Variants in SMARCAD1 observed in about 807,000 individuals in gnomAD.
SMARCAD1 encodes SWI/SNF-related matrix-associated actin-dependent regulator of chromatin subfamily A containing DEAD/H box 1.
In SMARCAD1, 25 loss-of-function variants were observed where a neutral mutation model predicts 127.1. The observed-to-expected ratio is 0.20, with a 90% confidence interval of 0.14 to 0.27. The LOEUF is 0.27. SMARCAD1 is among the 10% of genes least tolerant of loss of function. The probability of loss-of-function intolerance (pLI) is 1.00; values close to 1 mark genes in which losing one functional copy is unlikely to be tolerated. For missense variants in SMARCAD1, 807 were observed against 1,206.0 expected (o/e 0.67, Z 4.90); for synonymous variants, 400 against 396.9 (o/e 1.01, Z -0.09).
chr4:94,250,978 ATTC>A (rs983316513), intron 8 of SMARCAD1, 145 bp downstream of exon 8: 2 of 611,666 alleles, frequency 3.3e-6, no homozygotes, highest in African/African-American at 1.9e-5. Context: ...ATGTAAAAAC[ATTC>A]TTTAACAACC....
At chr4:94,268,496 T>C (rs997118187) in intron 10 of SMARCAD1, among the ~76,000 whole-genome samples, 1 of 152,194 alleles carries the variant, frequency 6.6e-6, no homozygotes, top group Non-Finnish European at 1.5e-5. Flanking sequence ...TTGTGAGCCT[T>C]ATGTGAATAG....
At position 94,237,418 on chromosome 4, in the gene SMARCAD1, C is replaced by T. The variant is rs180943595; in HGVS notation, c.604+400C>T. 2.6e-5 allele frequency among the ~76,000 whole-genome samples: 4 copies of T among 151,062 alleles called. No homozygotes were observed. The East Asian group carries it at 7.8e-4, about 29-fold the overall frequency. Reference sequence around the variant, plus strand: ...GGGGCTTGGGATACAAAAATAAATGCATTTGAATGAGCTTGCAATATAGAA... The same window carrying T: ...GGGGCTTGGGATACAAAAATAAATGTATTTGAATGAGCTTGCAATATAGAA... On this transcript the variant is annotated intron_variant, in intron 5 of 23. Transcript: ENST00000354268.
chr4:94,253,787 A>C, intron 9 of SMARCAD1: 3 of 723,492 alleles, frequency 4.1e-6, no homozygotes, highest in Non-Finnish European at 5.1e-6. Context: ...TCTTATTCAT[A>C]CAGATAAATA....
chr4:94,285,717 T>C (rs971852578), intron 23 of SMARCAD1, among the ~76,000 whole-genome samples: 14 of 152,210 alleles, frequency 9.2e-5, no homozygotes, highest in African/African-American at 3.4e-4. Flanking sequence ...CTTTCTTGCG[T>C]AGCATTTATT....
rs1579347063 is a variant in SMARCAD1, at chr4:94,280,661, C to T, written c.2488C>T (p.Leu830=). 3.7e-6 allele frequency: 6 copies of T among 1,613,752 alleles called. No individual in the cohort carries two copies. Among genetic ancestry groups the T allele is most frequent in the Admixed American group, 1.7e-5 (1 of 60,020 alleles). ...TATGGAAGTTATGACAGACTTCGAACTACATGTACTTTGTAAACAGTACCG... is the reference window on the plus strand; with the variant it reads ...TATGGAAGTTATGACAGACTTCGAATTACATGTACTTTGTAAACAGTACCG... The part of the protein sequence containing the change: ...EDMEVMTDFE[L]HVLCKQYRHI... Residue 830 remains leucine, a synonymous_variant, in exon 20 of 24, where the codon CTA becomes TTA. Transcript: ENST00000354268.
intron 1 of SMARCAD1, 24 bp from the exon 2 acceptor site, chr4:94,208,322 C>T (rs778596482): frequency 8.6e-6 from 13 of 1,505,522 alleles, no homozygotes; most frequent in Non-Finnish European, 1.2e-5. Context: ...GGCCTTTTTT[C>T]CTCTCTTTAT....
At chr4:94,235,563 A>G (rs900719995) in intron 4 of SMARCAD1, among the ~76,000 whole-genome samples, 4 of 150,496 alleles carry the variant, frequency 2.7e-5, no homozygotes, top group African/African-American at 4.9e-5. Context: ...CCATCTTACT[A>G]TTAGCTAAAT....
intron 2 of SMARCAD1, among the ~76,000 whole-genome samples, chr4:94,209,642 G>C (rs774764407): frequency 6.6e-6 from 1 of 152,128 alleles, no homozygotes; most frequent in Non-Finnish European, 1.5e-5. Flanking sequence ...GTTATCATTA[G>C]AATAACATTT....
In SMARCAD1 at chr4:94,290,983, T is replaced by C. The variant is rs538176119; in HGVS notation, c.*1449T>C. The C allele has an allele frequency of 2.2e-6, 1 of 449,252 alleles. No homozygotes were observed. Among genetic ancestry groups the C allele is most frequent in the African/African-American group, 2.0e-5 (1 of 49,820 alleles). The allele number at this position is 449,252 out of a possible 1,614,324, so 27.8% of individuals were successfully genotyped here. A position where few individuals can be genotyped will look rare whatever the true frequency, so the allele number is the denominator to read the frequency against. On this transcript the variant is annotated 3_prime_UTR_variant, in exon 24 of 24. Transcript: ENST00000354268. ...CGGCTTAACCCCAGTCTTGATGGTA[T>C]ATTGAACAGACTGAATATATTTTAC...
At chr4:94,278,337 G>A in intron 16 of SMARCAD1, 85 bp from the exon 17 acceptor site, 2 of 1,181,474 alleles carry the variant, frequency 1.7e-6, no homozygotes, top group East Asian at 2.4e-5. Context: ...TCTAATGAGG[G>A]AGATTTTTAT....
At chr4:94,248,527 A>T (rs1431372620) in intron 6 of SMARCAD1, 1 of 456,146 alleles carries the variant, frequency 2.2e-6, no homozygotes, top group Non-Finnish European at 4.4e-6. Flanking sequence ...AAGATTTTGA[A>T]ATGGTTTCTC....
chr4:94,233,861 A>T, intron 3 of SMARCAD1, 93 bp from the exon 4 acceptor site: 1 of 1,279,836 alleles, frequency 7.8e-7, no homozygotes. Context: ...AGAACTGCAG[A>T]TGTGTTGTAC....
At position 94,278,707 on chromosome 4, in the gene SMARCAD1, G is replaced by C; in HGVS notation, c.2270G>C (p.Arg757Thr). Residue 757 changes from arginine (R) to threonine (T), a missense_variant, in exon 18 of 24, where the codon AGA (arginine) becomes ACA (threonine). By Grantham distance (71) the Arg-to-Thr change is moderately conservative. Transcript: ENST00000354268. The part of the protein sequence containing the change: ...QEQLYLGLFN[R>T]LKKSINNLEK... The stretch of plus-strand genomic sequence containing the variant: ...CAACTCTATTTGGGTCTTTTCAACA[G>C]ATTGAAAAAATCTATCAATAACTTG... 6.2e-7 allele frequency: 1 copy of C among 1,613,908 alleles called. No individual in the cohort carries two copies. Among genetic ancestry groups the C allele is most frequent in the Non-Finnish European group, 8.5e-7 (1 of 1,179,920 alleles).
intron 5 of SMARCAD1, 123 bp downstream of exon 5, chr4:94,237,141 G>C: frequency 1.2e-6 from 1 of 827,908 alleles, no homozygotes; most frequent in Non-Finnish European, 2.0e-6. Context: ...GAATTTGTGA[G>C]GTATTAATAG....
intron 2 of SMARCAD1, among the ~76,000 whole-genome samples, chr4:94,221,108 C>G (rs1744051513): frequency 6.6e-6 from 1 of 152,164 alleles, no homozygotes; most frequent in Non-Finnish European, 1.5e-5. Context: ...GATAAAACCC[C>G]AGTTTTCAAA....
intron 9 of SMARCAD1, among the ~76,000 whole-genome samples, chr4:94,263,943 T>C (rs1751377014): frequency 1.3e-5 from 2 of 152,090 alleles, no homozygotes; most frequent in Non-Finnish European, 1.5e-5. Context: ...ATTCTAGTTC[T>C]GATATAGCTT....
chr4:94,209,259 A>G (rs1741794152), intron 2 of SMARCAD1, among the ~76,000 whole-genome samples: 1 of 152,230 alleles, frequency 6.6e-6, no homozygotes, highest in African/African-American at 2.4e-5. Context: ...AGGAATAGTG[A>G]TAAGTGCTTC....
At chr4:94,268,848 C>A (rs564044273) in intron 10 of SMARCAD1, among the ~76,000 whole-genome samples, 2 of 151,978 alleles carry the variant, frequency 1.3e-5, no homozygotes, top group Non-Finnish European at 2.9e-5. Context: ...GGTAAATATT[C>A]CAGTTTTAGC....
At chr4:94,238,071 G>T (rs971898718) in intron 5 of SMARCAD1, among the ~76,000 whole-genome samples, 5 of 151,990 alleles carry the variant, frequency 3.3e-5, no homozygotes, top group African/African-American at 1.2e-4. Context: ...AATACAAAAC[G>T]ATGTGTTCCC....
Sources: gnomAD v4.1 joint callset for allele counts (sites outside exome capture counted in the v4.1 genomes callset) on GRCh38, gnomAD v4.1.1 for gene constraint, MANE v1.5 for transcripts, NCBI Gene and HGNC (gene_info 2026-07-23, HGNC 2026-07-21) for gene names.